Variants in NAPB observed in about 807,000 individuals in gnomAD.
NAPB encodes NSF attachment protein beta, also known as beta-soluble NSF attachment protein.
A neutral mutation model predicts 44.7 loss-of-function variants in NAPB; 26 were observed. That is an observed-to-expected ratio of 0.58 (90% CI 0.43 to 0.81). NAPB has a LOEUF of 0.81. Among genes scored for constraint, NAPB ranks in the 30% least tolerant of loss-of-function variants. The pLI, the probability that NAPB is intolerant of heterozygous loss-of-function variation, is 0.00. For synonymous variants in NAPB, 120 were observed against 116.8 expected (o/e 1.03, Z -0.18); for missense variants, 315 against 356.4 (o/e 0.88, Z 0.94).
intron 4 of NAPB, 32 bp downstream of exon 4, chr20:23,395,107 C>A (rs749616495): frequency 3.1e-5 from 50 of 1,614,020 alleles, no homozygotes; most frequent in Non-Finnish European, 4.2e-5. Flanking sequence ...AAGACTCCAC[C>A]CCACAGCCAC....
chr20:23,398,279 C>A (rs1048113637), intron 2 of NAPB, among the ~76,000 whole-genome samples: 1 of 152,134 alleles, frequency 6.6e-6, no homozygotes, highest in Non-Finnish European at 1.5e-5. Flanking sequence ...ATCACAAAGC[C>A]TTTAGGTTTC....
At chr20:23,396,896 CAAATGATTA>C in intron 3 of NAPB, 167 bp downstream of exon 3, 1 of 489,836 alleles carries the variant, frequency 2.0e-6, no homozygotes, top group Non-Finnish European at 3.3e-6. Context: ...TAAAAGCCCC[CAAATGATTA>C]AAAAAGAAAA....
At chr20:23,383,715 A>C (rs183354925) in intron 7 of NAPB, among the ~76,000 whole-genome samples, 1 of 152,376 alleles carries the variant, frequency 6.6e-6, no homozygotes, top group Admixed American at 6.5e-5. Flanking sequence ...CTAAATAGAA[A>C]GGAAACAATA....
At position 23,376,628 on chromosome 20, in the gene NAPB, ACTAT is replaced by A. The variant is rs1982539618; in HGVS notation, c.*744_*747del. On this transcript the variant is annotated 3_prime_UTR_variant, in exon 11 of 11. Coordinates refer to ENST00000377026, the MANE Select transcript of NAPB (RefSeq NM_022080.3). ...ATTTCCACTCCAACTAAAAGTGAAAACTATCTCCAGAAAAAGAGAAAAATTCCAT... is the reference window on the plus strand; with the variant it reads ...ATTTCCACTCCAACTAAAAGTGAAAACTCCAGAAAAAGAGAAAAATTCCAT... 6.6e-6 allele frequency: 1 copy of A among 152,232 alleles called. No individual in the cohort carries two copies. The highest frequency in any genetic ancestry group is 2.1e-4 in the South Asian group (1 of 4,834). The allele number at this position is 152,232 out of a possible 1,614,324, so 9.4% of individuals were successfully genotyped here.
chr20:23,388,812 A>G (rs1368362858), intron 7 of NAPB, among the ~76,000 whole-genome samples: 2 of 125,988 alleles, frequency 1.6e-5, no homozygotes, highest in Non-Finnish European at 3.2e-5. Context: ...TTCCTATAAC[A>G]AAACAGAAAG....
Position 23,397,059 on chromosome 20 carries a change from C to T in NAPB, c.295+13G>A. ...CACACAGAGATAGCATGCTACATGC[C>T]TGGCTGTCTTACCTTGGGGATCTGC... is the stretch of plus-strand genomic sequence containing the variant. On this transcript the variant is annotated intron_variant, in intron 3 of 10. Transcript: ENST00000377026. 6.2e-7 allele frequency: 1 copy of T among 1,611,218 alleles called. No individual in the cohort carries two copies. The highest frequency in any genetic ancestry group is 8.5e-7 in the Non-Finnish European group (1 of 1,177,810).
intron 1 of NAPB, among the ~76,000 whole-genome samples, chr20:23,416,772 C>T (rs1156639670): frequency 6.6e-6 from 1 of 152,112 alleles, no homozygotes; most frequent in East Asian, 1.9e-4. Context: ...TGAGGAAAAC[C>T]TAAATGCTTC....
intron 5 of NAPB, among the ~76,000 whole-genome samples, chr20:23,391,794 G>A (rs965540449): frequency 9.2e-5 from 14 of 152,210 alleles, no homozygotes; most frequent in African/African-American, 3.4e-4. Context: ...ATTAAAAACC[G>A]TAAAAACCAT....
At chr20:23,394,356 GA>G (rs1343112419) in intron 5 of NAPB, among the ~76,000 whole-genome samples, 2 of 152,176 alleles carry the variant, frequency 1.3e-5, no homozygotes, top group East Asian at 3.9e-4. Context: ...AGGTTGTAGA[GA>G]AAGAGAAAAG....
chr20:23,404,281 G>T (rs997974401), intron 1 of NAPB, among the ~76,000 whole-genome samples: 1 of 152,174 alleles, frequency 6.6e-6, no homozygotes, highest in African/African-American at 2.4e-5. Context: ...CAAGGAACTC[G>T]GTGGGGTATG....
At chr20:23,411,335 A>G (rs888449673) in intron 1 of NAPB, among the ~76,000 whole-genome samples, 1 of 152,206 alleles carries the variant, frequency 6.6e-6, no homozygotes, top group African/African-American at 2.4e-5. Flanking sequence ...TTATAAAACT[A>G]AGAAAATCAG....
chr20:23,379,593 C>T (rs1982835238), intron 9 of NAPB, 98 bp from the exon 10 acceptor site: 2 of 940,978 alleles, frequency 2.1e-6, no homozygotes, highest in African/African-American at 1.7e-5. Context: ...CCAAATATTG[C>T]ACAAAACTGA....
Position 23,421,332 on chromosome 20 carries a change from G to C in NAPB, c.71C>G (p.Ser24Cys), listed in dbSNP as rs1012692028. The C allele has an allele frequency of 5.8e-6, 9 of 1,564,924 alleles. No homozygotes were observed. Among genetic ancestry groups the C allele is most frequent in the South Asian group, 1.2e-5 (1 of 85,266 alleles). ...MAEAEKRVKASHSFLRGLFGG... is the reference protein window; with the variant it reads ...MAEAEKRVKACHSFLRGLFGG... ...AAACAGCCCTCGGAGGAAGGAGTGGGAGGCCTTGACTCGCTTCTCGGCCTC... is the reference window on the plus strand; with the variant it reads ...AAACAGCCCTCGGAGGAAGGAGTGGCAGGCCTTGACTCGCTTCTCGGCCTC... Residue 24 changes from serine (S) to cysteine (C), a missense_variant, in exon 1 of 11, where the codon TCC becomes TGC. By Grantham distance (112) the Ser-to-Cys change is moderately radical. Around this residue, in one of 3 missense-constraint regions of NAPB, gnomAD observed 179 missense variants for 182.5 expected, o/e 0.98. Transcript: ENST00000377026.
At chr20:23,398,854 ATTTTTTTT>A (rs34074566) in intron 2 of NAPB, among the ~76,000 whole-genome samples, 1 of 90,426 alleles carries the variant, frequency 1.1e-5, no homozygotes, top group Non-Finnish European at 2.0e-5. Flanking sequence ...CAAAAAAAAA[ATTTTTTTT>A]TTTTTTTTTT....
intron 2 of NAPB, 37 bp from the exon 3 acceptor site, chr20:23,397,225 G>T (rs1461419190): frequency 6.3e-7 from 1 of 1,588,108 alleles, no homozygotes; most frequent in Non-Finnish European, 8.6e-7. Flanking sequence ...AGAGGAACAA[G>T]TCCCCCCCAG....
chr20:23,378,157 CAA>C (rs35687678), intron 10 of NAPB, among the ~76,000 whole-genome samples: 81 of 120,030 alleles, frequency 6.7e-4, no homozygotes, highest in Admixed American at 9.4e-4. Flanking sequence ...ACAAAAAATG[CAA>C]AAAAAAAAAA....
chr20:23,412,485 A>G (rs1272679709), intron 1 of NAPB, among the ~76,000 whole-genome samples: 1 of 146,032 alleles, frequency 6.8e-6, no homozygotes, highest in Non-Finnish European at 1.5e-5. Flanking sequence ...ATAATTCATA[A>G]TAATATTAGT....
At chr20:23,380,965 C>T (rs779577540) in intron 8 of NAPB, 1 of 408,814 alleles carries the variant, frequency 2.4e-6, no homozygotes, top group Non-Finnish European at 4.5e-6. Flanking sequence ...TGCTTAGCTT[C>T]TGAGATCAGA....
At chr20:23,398,542 C>G (rs1279037666) in intron 2 of NAPB, among the ~76,000 whole-genome samples, 1 of 151,898 alleles carries the variant, frequency 6.6e-6, no homozygotes, top group Non-Finnish European at 1.5e-5. Flanking sequence ...ATTTTTAATT[C>G]TTTAAAAAAT....
Sources: gnomAD v4.1 joint callset for allele counts (sites outside exome capture counted in the v4.1 genomes callset) on GRCh38, gnomAD v4.1.1 for gene constraint, gnomAD v4.1.1 regional missense constraint, MANE v1.5 for transcripts, NCBI Gene and HGNC (gene_info 2026-07-23, HGNC 2026-07-21) for gene names.